RSC1A1: variants seen among roughly 807,000 people sequenced by gnomAD.
The protein encoded by RSC1A1 is regulatory solute carrier protein family 1 member 1.
Under a neutral mutation model 7.7 loss-of-function variants are expected in RSC1A1, and 6 were observed. The ratio of observed to expected loss-of-function variants is 0.78; its 90% CI spans 0.43 to 1.53. The LOEUF is 1.53. Ranked by LOEUF, RSC1A1 falls within the 40% of genes most tolerant of loss-of-function variation. RSC1A1 has a pLI of 0.01. For synonymous variants in RSC1A1, 250 were observed against 263.0 expected, an observed-to-expected ratio of 0.95 and a Z score of 0.48; for missense variants, 729 against 726.3, an observed-to-expected ratio of 1.00 and a Z score of -0.04.
rs765308657 is a variant in RSC1A1 at position 15,660,492 on chromosome 1, A to C, written c.624A>C (p.Lys208Asn). 8.1e-6 allele frequency: 13 copies of C among 1,613,834 alleles called. No individual in the cohort carries two copies. Among genetic ancestry groups the C allele is most frequent in the Non-Finnish European group, 1.0e-5 (12 of 1,179,998 alleles). ...LPEERQQNQHKIVDLEATMKG... is the reference protein window; with the variant it reads ...LPEERQQNQHNIVDLEATMKG... The stretch of plus-strand genomic sequence containing the variant: ...AAGAAAGGCAACAGAATCAACACAA[A>C]ATTGTTGATTTGGAAGCTACGATGA... Residue 208 changes from lysine (K) to asparagine (N), a missense_variant, in exon 1 of 1, where the codon AAA (lysine) becomes AAC (asparagine). By Grantham distance (94) the Lys-to-Asn change is moderately conservative. Transcript: ENST00000345034.
rs535226905 is a variant in RSC1A1, at chr1:15,660,489, C to T, written c.621C>T (p.His207=). The T allele has an allele frequency of 3.7e-5, 59 of 1,613,872 alleles. 1 individual carries two copies. The highest frequency in any genetic ancestry group is 4.5e-5 in the Non-Finnish European group (53 of 1,180,004). Residue 207 remains histidine (H), a synonymous_variant, in exon 1 of 1, where the codon CAC becomes CAT. Coordinates refer to ENST00000345034, the MANE Select transcript of RSC1A1 (RefSeq NM_006511.3). ...CTGAAGAAAGGCAACAGAATCAACA[C>T]AAAATTGTTGATTTGGAAGCTACGA... is the stretch of plus-strand genomic sequence containing the variant. The part of the protein sequence containing the change: ...ELPEERQQNQ[H]KIVDLEATMK...
At position 15,660,097 on chromosome 1, in the gene RSC1A1, C is replaced by T; in HGVS notation, c.229C>T (p.Leu77Phe). 1 of 1,614,094 alleles carries T rather than the reference C, an allele frequency of 6.2e-7. No individual in the cohort carries two copies. Among genetic ancestry groups the T allele is most frequent in the South Asian group, 1.1e-5 (1 of 91,082 alleles). The change falls in exon 1 of 1, where the codon CTT becomes TTT. Residue 77 changes from leucine (L) to phenylalanine (F), a missense_variant. Leu to Phe is a conservative substitution (Grantham distance 22). Transcript: ENST00000345034. The stretch of plus-strand genomic sequence containing the variant: ...GAAAGAACATCTTTCTTTACAAGAT[C>T]TTTCTGATCATGCTTCCTCAGCAGA... ...EKKEHLSLQDLSDHASSADHA... is the reference protein window; with the variant it reads ...EKKEHLSLQDFSDHASSADHA...
At position 15,659,872 on chromosome 1, in the gene RSC1A1, T is replaced by G; in HGVS notation, c.4T>G (p.Ser2Ala). 1 of 1,568,080 alleles carries G rather than the reference T, an allele frequency of 6.4e-7. No individual in the cohort carries two copies. Among genetic ancestry groups the G allele is most frequent in the East Asian group, 2.2e-5 (1 of 44,572 alleles). M[S>A]SLPTSDGFNH... ...TAAAGAATCTACCTCACTGGGAATG[T>G]CATCATTACCAACTTCAGATGGGTT... The change falls in exon 1 of 1, where the codon TCA (serine) becomes GCA (alanine). Residue 2 changes from serine (S) to alanine (A), a missense_variant. By Grantham distance (99) the Ser-to-Ala change is moderately conservative. Transcript: ENST00000345034.
rs1489677572 is a variant in RSC1A1, at chr1:15,660,407, A to G, written c.539A>G (p.Gln180Arg). 6.2e-7 allele frequency: 1 copy of G among 1,613,888 alleles called. No individual in the cohort carries two copies. The highest frequency in any genetic ancestry group is 2.2e-5 in the East Asian group (1 of 44,894). Residue 180 changes from glutamine (Q) to arginine (R), a missense_variant, in exon 1 of 1, where the codon CAA becomes CGA. Physicochemically the swap from Gln to Arg is conservative, Grantham distance 43. Coordinates refer to ENST00000345034, the MANE Select transcript of RSC1A1 (RefSeq NM_006511.3). ...EPGNEQYEVA[Q>R]QKASHDQEYL... ...GGGAATGAACAGTATGAGGTTGCACAACAAAAAGCTTCACATGACCAAGAA... is the reference window on the plus strand; with the variant it reads ...GGGAATGAACAGTATGAGGTTGCACGACAAAAAGCTTCACATGACCAAGAA...
chr1:15,661,121 A>G lies in RSC1A1; in HGVS notation c.1253A>G (p.Gln418Arg). 2 of 1,613,486 alleles carry G rather than the reference A, an allele frequency of 1.2e-6. No homozygotes were observed. The highest frequency in any genetic ancestry group is 1.7e-6 in the Non-Finnish European group (2 of 1,179,786). Residue 418 changes from glutamine to arginine, a missense_variant, in exon 1 of 1, where the codon CAG becomes CGG. Transcript: ENST00000345034. ...NEQCPQVSFH[Q>R]AISVSVETEK... Reference sequence around the variant, plus strand: ...CAGTGTCCACAAGTCTCCTTTCATCAGGCCATATCTGTATCAGTGGAGACA... The same window carrying G: ...CAGTGTCCACAAGTCTCCTTTCATCGGGCCATATCTGTATCAGTGGAGACA...
At position 15,661,200 on chromosome 1, in the gene RSC1A1, A is replaced by G. The variant is rs199821679; in HGVS notation, c.1332A>G (p.Val444=). The change falls in exon 1 of 1, where the codon GTA becomes GTG. Residue 444 remains valine, a synonymous_variant. Transcript: ENST00000345034. ...CTGGAAGAGAAGCTGTAGAAAATGT[A>G]AACTTCAGGAGTCTAGGTGATGGCC... ...SDTGREAVEN[V]NFRSLGDGLS... The G allele has an allele frequency of 1.9e-6, 3 of 1,614,058 alleles. No homozygotes were observed. Among genetic ancestry groups the G allele is most frequent in the Admixed American group, 3.3e-5 (2 of 59,996 alleles).
Position 15,659,994 on chromosome 1 carries a change from C to T in RSC1A1, c.126C>T (p.Pro42=), listed in dbSNP as rs773177104. ...SVSASVCPIK[P]SDSDRIEPKA... ...CTGCTTCAGTCTGCCCTATCAAGCC[C>T]AGTGACTCAGATCGCATTGAACCTA... Residue 42 remains proline, a synonymous_variant, in exon 1 of 1, where the codon CCC becomes CCT. Coordinates refer to ENST00000345034, the MANE Select transcript of RSC1A1 (RefSeq NM_006511.3). 3 of 1,614,194 alleles carry T rather than the reference C, an allele frequency of 1.9e-6. No homozygotes were observed. Among genetic ancestry groups the T allele is most frequent in the African/African-American group, 1.3e-5 (1 of 75,062 alleles).
Position 15,661,158 on chromosome 1 carries a change from A to G in RSC1A1, c.1290A>G (p.Thr430=), listed in dbSNP as rs200079396. ...TATCAGTGGAGACAGAAAAATTAACAGGTACTTCATCTGACACTGGAAGAG... is the reference window on the plus strand; with the variant it reads ...TATCAGTGGAGACAGAAAAATTAACGGGTACTTCATCTGACACTGGAAGAG... ...ISVSVETEKL[T]GTSSDTGREA... is the part of the protein sequence containing the mutation. Residue 430 remains threonine, a synonymous_variant, in exon 1 of 1, where the codon ACA becomes ACG. Coordinates refer to ENST00000345034, the MANE Select transcript of RSC1A1 (RefSeq NM_006511.3). 1.5e-3 allele frequency: 2,471 copies of G among 1,614,092 alleles called. 46 individuals carry two copies. In the South Asian group the frequency reaches 0.026, roughly 17 times the overall value.
rs573648039 is a variant in RSC1A1, at chr1:15,661,951, G to A, written c.*229G>A. On this transcript the variant is annotated 3_prime_UTR_variant, in exon 1 of 1. Coordinates refer to ENST00000345034, the MANE Select transcript of RSC1A1 (RefSeq NM_006511.3). ...TGTTAAAATTTAGGCCTTTTTAAATGTATTGGCAGTATGTGCATACAGAAG... is the reference window on the plus strand; with the variant it reads ...TGTTAAAATTTAGGCCTTTTTAAATATATTGGCAGTATGTGCATACAGAAG... 7.9e-6 allele frequency: 4 copies of A among 503,732 alleles called. No individual in the cohort carries two copies. Among genetic ancestry groups the A allele is most frequent in the African/African-American group, 7.8e-5 (4 of 51,256 alleles). The allele number at this position is 503,732 out of a possible 1,614,324, so 31.2% of individuals were successfully genotyped here.
chr1:15,661,832 C>G lies in RSC1A1; in HGVS notation c.*110C>G, dbSNP rs1433116184. 9.9e-6 allele frequency: 13 copies of G among 1,315,078 alleles called. No homozygotes were observed. Among genetic ancestry groups the G allele is most frequent in the Middle Eastern group, 2.6e-4 (1 of 3,778 alleles). 81.5% of individuals were successfully genotyped at this position (1,315,078 alleles called of 1,614,324 possible). Reference sequence around the variant, plus strand: ...CCACATATACAGTATATATAGAAACCTGCAAGCAGAATGTTGAGCCAGATT... The same window carrying G: ...CCACATATACAGTATATATAGAAACGTGCAAGCAGAATGTTGAGCCAGATT... On this transcript the variant is annotated 3_prime_UTR_variant, in exon 1 of 1. Transcript: ENST00000345034.
rs35549389 is a variant in RSC1A1 at position 15,661,107 on chromosome 1, A to G, written c.1239A>G (p.Gln413=). ...EHLTQNEQCP[Q]VSFHQAISVS... ...TTACCCAGAATGAACAGTGTCCACA[A>G]GTCTCCTTTCATCAGGCCATATCTG... Residue 413 remains glutamine (Q), a synonymous_variant, in exon 1 of 1, where the codon CAA becomes CAG. Coordinates refer to ENST00000345034, the MANE Select transcript of RSC1A1 (RefSeq NM_006511.3). The G allele has an allele frequency of 0.026, 41,310 of 1,613,884 alleles. 622 individuals carry two copies. The highest frequency in any genetic ancestry group is 0.03 in the Non-Finnish European group (34,861 of 1,179,912).
chr1:15,660,672 G>A lies in RSC1A1; in HGVS notation c.804G>A (p.Gln268=). Residue 268 remains glutamine, a synonymous_variant, in exon 1 of 1, where the codon CAG becomes CAA. Coordinates refer to ENST00000345034, the MANE Select transcript of RSC1A1 (RefSeq NM_006511.3). ...CTTTGCTTAATTCAACAGGCAGGCAGAATGCCAATGTCAAGAACATTGGTG... is the reference window on the plus strand; with the variant it reads ...CTTTGCTTAATTCAACAGGCAGGCAAAATGCCAATGTCAAGAACATTGGTG... ...LVTLLNSTGR[Q]NANVKNIGAL... is the part of the protein sequence containing the mutation. The A allele has an allele frequency of 6.2e-7, 1 of 1,614,186 alleles. No individual in the cohort carries two copies. The highest frequency in any genetic ancestry group is 8.5e-7 in the Non-Finnish European group (1 of 1,180,042).
In RSC1A1 at chr1:15,659,910, C is replaced by G. The variant is rs1640335340; in HGVS notation, c.42C>G (p.Ala14=). The change falls in exon 1 of 1, where the codon GCC becomes GCG. Residue 14 remains alanine (A), a synonymous_variant. Coordinates refer to ENST00000345034, the MANE Select transcript of RSC1A1 (RefSeq NM_006511.3). ...LPTSDGFNHP[A]RSSGQSPDVG... is the part of the protein sequence containing the mutation. ...CTTCAGATGGGTTTAACCATCCCGC[C>G]CGTTCTTCAGGACAGAGTCCTGATG... is the stretch of plus-strand genomic sequence containing the variant. The G allele has an allele frequency of 6.2e-7, 1 of 1,605,274 alleles. No homozygotes were observed. Among genetic ancestry groups the G allele is most frequent in the Non-Finnish European group, 8.5e-7 (1 of 1,177,392 alleles).
chr1:15,661,453 C>T, the RSC1A1 span: 2 of 1,613,998 alleles, frequency 1.2e-6, no homozygotes, highest in Admixed American at 1.7e-5. Flanking sequence ...TCAGGGCATA[C>T]AGAATTCAGT....
At position 15,661,452 on chromosome 1, in the gene RSC1A1, A is replaced by G; in HGVS notation, c.1584A>G (p.Ile528Met). Reference sequence around the variant, plus strand: ...TGGTTAAAGACTTAGGTCAGGGCATACAGAATTCAGTAACAGACAGGCCTG... The same window carrying G: ...TGGTTAAAGACTTAGGTCAGGGCATGCAGAATTCAGTAACAGACAGGCCTG... ...FILVKDLGQGIQNSVTDRPET... is the reference protein window; with the variant it reads ...FILVKDLGQGMQNSVTDRPET... The change falls in exon 1 of 1, where the codon ATA becomes ATG. Residue 528 changes from isoleucine to methionine, a missense_variant. By Grantham distance (10) the Ile-to-Met change is conservative (BLOSUM62 1). Transcript: ENST00000345034. 4 of 1,614,074 alleles carry G rather than the reference A, an allele frequency of 2.5e-6. No individual in the cohort carries two copies. The highest frequency in any genetic ancestry group is 3.4e-6 in the Non-Finnish European group (4 of 1,179,992).
Position 15,660,046 on chromosome 1 carries a change from G to A in RSC1A1, c.178G>A (p.Ala60Thr), listed in dbSNP as rs1280060195. The change falls in exon 1 of 1, where the codon GCT (alanine) becomes ACT (threonine). Residue 60 changes from alanine to threonine, a missense_variant. Ala to Thr is a moderately conservative substitution (Grantham distance 58). Transcript: ENST00000345034. ...AGCTGTGAAGGCTTTGAAGGCTTCA[G>A]CTGAATTCCAGCTAAACTCTGAAAA... Reference protein sequence around the residue: ...PKAVKALKASAEFQLNSEKKE... With the variant: ...PKAVKALKASTEFQLNSEKKE... 1.2e-6 allele frequency: 2 copies of A among 1,613,936 alleles called. No homozygotes were observed. Among genetic ancestry groups the A allele is most frequent in the African/African-American group, 2.7e-5 (2 of 74,918 alleles).
At position 15,660,534 on chromosome 1, in the gene RSC1A1, A is replaced by G; in HGVS notation, c.666A>G (p.Pro222=). 6.2e-7 allele frequency: 1 copy of G among 1,613,280 alleles called. No individual in the cohort carries two copies. Among genetic ancestry groups the G allele is most frequent in the Non-Finnish European group, 8.5e-7 (1 of 1,179,838 alleles). Reference sequence around the variant, plus strand: ...CTACGATGAAAGGAAATGGGCTCCCACAGAATGTGGATCCTCCAAGTGCGA... The same window carrying G: ...CTACGATGAAAGGAAATGGGCTCCCGCAGAATGTGGATCCTCCAAGTGCGA... The part of the protein sequence containing the change: ...LEATMKGNGL[P]QNVDPPSAKK... The change falls in exon 1 of 1, where the codon CCA becomes CCG. Residue 222 remains proline, a synonymous_variant. Coordinates refer to ENST00000345034, the MANE Select transcript of RSC1A1 (RefSeq NM_006511.3).
Position 15,661,112 on chromosome 1 carries a change from C to G in RSC1A1, c.1244C>G (p.Ser415Cys). 6.2e-7 allele frequency: 1 copy of G among 1,613,792 alleles called. No homozygotes were observed. The highest frequency in any genetic ancestry group is 1.1e-5 in the South Asian group (1 of 91,006). The change falls in exon 1 of 1, where the codon TCC (serine) becomes TGC (cysteine). Residue 415 changes from serine to cysteine, a missense_variant. Ser to Cys is a moderately radical substitution (Grantham distance 112). Transcript: ENST00000345034. The part of the protein sequence containing the change: ...LTQNEQCPQV[S>C]FHQAISVSVE... ...CAGAATGAACAGTGTCCACAAGTCT[C>G]CTTTCATCAGGCCATATCTGTATCA...
rs1192512929 is a variant in RSC1A1, at chr1:15,661,640, T to C, written c.1772T>C (p.Leu591Pro). Residue 591 changes from leucine to proline, a missense_variant, in exon 1 of 1, where the codon CTT becomes CCT. Physicochemically the swap from Leu to Pro is moderately conservative, Grantham distance 98. Transcript: ENST00000345034. Reference protein sequence around the residue: ...LRAGFTLQEALGALHRVGGNA... With the variant: ...LRAGFTLQEAPGALHRVGGNA... The stretch of plus-strand genomic sequence containing the variant: ...GCTGGCTTTACTTTGCAGGAAGCTC[T>C]TGGAGCTTTGCATCGAGTTGGTGGG... 1 of 1,614,182 alleles carries C rather than the reference T, an allele frequency of 6.2e-7. No individual in the cohort carries two copies. Among genetic ancestry groups the C allele is most frequent in the South Asian group, 1.1e-5 (1 of 91,026 alleles).
Sources: gnomAD v4.1 joint callset for allele counts on GRCh38, gnomAD v4.1.1 for gene constraint, MANE v1.5 for transcripts, NCBI Gene and HGNC (gene_info 2026-07-23, HGNC 2026-07-21) for gene names.